The following CPA5 variants were observed in gnomAD, a reference collection of about 807,000 sequenced individuals.
CPA5 encodes testicular tissue protein Li 32.
CPA5 carries 38 observed loss-of-function variants against 52.2 expected under a neutral mutation model. The ratio of observed to expected loss-of-function variants is 0.73; its 90% CI spans 0.56 to 0.95. CPA5 has a LOEUF of 0.95. Among genes scored for constraint, CPA5 ranks in the 40% least tolerant of loss-of-function variants. CPA5 has a pLI of 0.00. For missense variants in CPA5, 519 were observed against 566.7 expected (o/e 0.92, Z 0.86); for synonymous variants, 198 against 213.7 (o/e 0.93, Z 0.64).
chr7:130,363,468 T>G lies in CPA5; in HGVS notation c.797T>G (p.Ile266Ser), dbSNP rs1554407397. ...NKSIRPGIFC[I>S]GVDLNRNWKS... ...TCCATCAGACCTGGAATCTTCTGCATCGGCGTGGATCTCAACAGGAACTGG... is the reference window on the plus strand; with the variant it reads ...TCCATCAGACCTGGAATCTTCTGCAGCGGCGTGGATCTCAACAGGAACTGG... The change falls in exon 10 of 13, where the codon ATC (isoleucine) becomes AGC (serine). Residue 266 changes from isoleucine to serine, a missense_variant. Transcript: ENST00000474905. The G allele has an allele frequency of 1.3e-6, 2 of 1,585,830 alleles. No individual in the cohort carries two copies. The highest frequency in any genetic ancestry group is 2.7e-5 in the African/African-American group (2 of 74,910).
chr7:130,353,548 C>A (rs1456386021), intron 5 of CPA5, among the ~76,000 whole-genome samples: 2 of 152,190 alleles, frequency 1.3e-5, no homozygotes, highest in African/African-American at 4.8e-5. Flanking sequence ...CCTCCACAGC[C>A]CTCTTTATCT....
intron 7 of CPA5, among the ~76,000 whole-genome samples, chr7:130,362,237 A>G (rs541721867): frequency 2.0e-5 from 3 of 152,290 alleles, no homozygotes; most frequent in African/African-American, 7.2e-5. Context: ...TTGCTCGCCA[A>G]TGGCACCACC....
chr7:130,354,432 C>T (rs1795356104), intron 5 of CPA5, among the ~76,000 whole-genome samples: 1 of 151,302 alleles, frequency 6.6e-6, no homozygotes. Context: ...CTCACTCCCT[C>T]ACCCAGGCTG....
chr7:130,370,028 G>A (rs1796278519), downstream of CPA5, among the ~76,000 whole-genome samples: 1 of 152,256 alleles, frequency 6.6e-6, no homozygotes, highest in African/African-American at 2.4e-5. Context: ...AGGATTAGAG[G>A]CAGCCATGGG....
intron 4 of CPA5, 118 bp downstream of exon 4, chr7:130,347,965 C>T (rs781878013): frequency 4.1e-6 from 3 of 724,942 alleles, no homozygotes; most frequent in Non-Finnish European, 6.9e-6. Flanking sequence ...CTGCAAAGAG[C>T]ACAGACCTGT....
At chr7:130,363,595 C>A in intron 10 of CPA5, 86 bp downstream of exon 10, 1 of 1,161,176 alleles carries the variant, frequency 8.6e-7, no homozygotes, top group Non-Finnish European at 1.3e-6. Context: ...ATTATGTTGA[C>A]TCAACTTGGG....
At chr7:130,347,745 C>A in intron 3 of CPA5, 21 bp from the exon 4 acceptor site, 1 of 1,604,712 alleles carries the variant, frequency 6.2e-7, no homozygotes, top group Non-Finnish European at 8.5e-7. Context: ...GCTTCCTCCG[C>A]CCCTCCCTGT....
chr7:130,347,722 A>G, intron 3 of CPA5, 44 bp from the exon 4 acceptor site: 5 of 1,535,664 alleles, frequency 3.3e-6, no homozygotes, highest in Non-Finnish European at 4.5e-6. Flanking sequence ...CCTTCCAGGG[A>G]TCCTTCTCCG....
chr7:130,370,930 G>C (rs183887810), downstream of CPA5, among the ~76,000 whole-genome samples: 1 of 152,200 alleles, frequency 6.6e-6, no homozygotes, highest in African/African-American at 2.4e-5. Context: ...GTTGGGCCTT[G>C]GGTCTCCCCA....
At chr7:130,368,364 C>T in intron 12 of CPA5, 46 bp from the exon 13 acceptor site, 2 of 1,588,414 alleles carry the variant, frequency 1.3e-6, no homozygotes, top group South Asian at 1.1e-5. Flanking sequence ...GCAGCCACAT[C>T]CCCTTCTTCC....
At chr7:130,348,138 C>G (rs1033220291) in intron 4 of CPA5, among the ~76,000 whole-genome samples, 1 of 152,120 alleles carries the variant, frequency 6.6e-6, no homozygotes, top group Non-Finnish European at 1.5e-5. Context: ...CAGGAATTTC[C>G]TAAAGCCACA....
downstream of CPA5, among the ~76,000 whole-genome samples, chr7:130,373,644 A>G (rs1172849060): frequency 6.6e-6 from 1 of 152,244 alleles, no homozygotes; most frequent in African/African-American, 2.4e-5. Context: ...CCAGCGAGAA[A>G]CAGGCCCAGA....
At chr7:130,353,903 G>A (rs536127695) in intron 5 of CPA5, among the ~76,000 whole-genome samples, 1 of 152,284 alleles carries the variant, frequency 6.6e-6, no homozygotes, top group Admixed American at 6.5e-5. Context: ...CCTTGCAATG[G>A]TCATAAGGCT....
chr7:130,359,539 G>A (rs781966135), intron 5 of CPA5, 50 bp from the exon 6 acceptor site: 13 of 1,402,500 alleles, frequency 9.3e-6, no homozygotes, highest in Non-Finnish European at 1.3e-5. Context: ...AAGAGGCATA[G>A]CCAGCCCAGC....
chr7:130,367,301 G>A, intron 10 of CPA5, 71 bp from the exon 11 acceptor site: 2 of 1,341,102 alleles, frequency 1.5e-6, no homozygotes, highest in Admixed American at 3.4e-5. Flanking sequence ...GGAACACACA[G>A]GTATTTTGTG....
At chr7:130,358,422 C>T (rs1554405746) in intron 5 of CPA5, among the ~76,000 whole-genome samples, 1 of 152,138 alleles carries the variant, frequency 6.6e-6, no homozygotes, top group Non-Finnish European at 1.5e-5. Context: ...CCATTAAGTC[C>T]CTTTACCACT....
intron 5 of CPA5, among the ~76,000 whole-genome samples, chr7:130,358,377 G>C (rs573873053): frequency 1.3e-5 from 2 of 152,200 alleles, no homozygotes; most frequent in Admixed American, 6.5e-5. Flanking sequence ...TAGAATGCCT[G>C]GTTCTTATCT....
intron 4 of CPA5, among the ~76,000 whole-genome samples, chr7:130,348,528 C>G (rs1318616604): frequency 6.6e-6 from 1 of 152,132 alleles, no homozygotes; most frequent in African/African-American, 2.4e-5. Flanking sequence ...CCTAGGGACC[C>G]AGATTAGGCC....
chr7:130,353,020 T>A (rs1795263391), intron 5 of CPA5, among the ~76,000 whole-genome samples: 1 of 152,122 alleles, frequency 6.6e-6, no homozygotes, highest in Admixed American at 6.5e-5. Context: ...ACTCTGACCA[T>A]CTAGAGCAGA....
Sources: gnomAD v4.1 joint callset for allele counts (sites outside exome capture counted in the v4.1 genomes callset) on GRCh38, gnomAD v4.1.1 for gene constraint, MANE v1.5 for transcripts, NCBI Gene and HGNC (gene_info 2026-07-23, HGNC 2026-07-21) for gene names.